ATF6: variants seen among roughly 807,000 people sequenced by gnomAD.
ATF6 encodes the protein cyclic AMP-dependent transcription factor ATF-6 alpha.
Under a neutral mutation model 83.6 loss-of-function variants are expected in ATF6, and 53 were observed. The ratio of observed to expected loss-of-function variants is 0.63; its 90% CI spans 0.51 to 0.80. The LOEUF (loss-of-function observed/expected upper bound fraction) is 0.80. ATF6 is among the 30% of genes least tolerant of loss of function. The pLI, the probability that ATF6 is intolerant of heterozygous loss-of-function variation, is 0.00. For synonymous variants in ATF6, 288 were observed against 285.8 expected (o/e 1.01, Z -0.08); for missense variants, 744 against 797.9 (o/e 0.93, Z 0.81).
chr1:161,951,420 A>G (rs1229967598), intron 15 of ATF6, among the ~76,000 whole-genome samples: 2 of 152,236 alleles, frequency 1.3e-5, no homozygotes, highest in African/African-American at 4.8e-5. Flanking sequence ...GGATTTCTTG[A>G]TGACTTGACC....
intron 6 of ATF6, among the ~76,000 whole-genome samples, chr1:161,796,749 C>T (rs1685030415): frequency 6.6e-6 from 1 of 152,018 alleles, no homozygotes; most frequent in Admixed American, 6.6e-5. Context: ...TAAAAGAGAG[C>T]CCTTATATTC....
intron 15 of ATF6, among the ~76,000 whole-genome samples, chr1:161,920,016 T>C (rs1688172665): frequency 6.6e-6 from 1 of 152,180 alleles, no homozygotes; most frequent in East Asian, 1.9e-4. Flanking sequence ...AAGGCAAATA[T>C]ATTTGGAAAC....
At chr1:161,927,240 C>G (rs1688334841) in intron 15 of ATF6, among the ~76,000 whole-genome samples, 1 of 152,064 alleles carries the variant, frequency 6.6e-6, no homozygotes, top group African/African-American at 2.4e-5. Flanking sequence ...AGAGCTGAGA[C>G]CAGATCTCAG....
At chr1:161,958,358 CA>C (rs1432773608) in intron 15 of ATF6, 87 bp from the exon 16 acceptor site, 1 of 1,341,314 alleles carries the variant, frequency 7.5e-7, no homozygotes, top group African/African-American at 1.5e-5. Context: ...ACCCTTAAAG[CA>C]CATTTCTGTA....
intron 15 of ATF6, among the ~76,000 whole-genome samples, chr1:161,947,660 A>G (rs974293640): frequency 3.9e-5 from 6 of 152,190 alleles, no homozygotes; most frequent in South Asian, 2.1e-4. Context: ...AGCATTTGTT[A>G]TCAGAGTCAT....
At chr1:161,871,485 TTAAAA>T (rs1687122899) in intron 14 of ATF6, among the ~76,000 whole-genome samples, 2 of 151,600 alleles carry the variant, frequency 1.3e-5, no homozygotes, top group East Asian at 1.9e-4. Flanking sequence ...ACCCCTGAAC[TTAAAA>T]TAAAAGTTAA....
Position 161,884,516 on chromosome 1 carries a change from A to G in ATF6, c.1719+21204A>G, listed in dbSNP as rs528191938. 1.9e-3 allele frequency among the ~76,000 whole-genome samples: 282 copies of G among 152,134 alleles called. 2 individuals carry two copies. In the Middle Eastern group the frequency reaches 0.02, roughly 11 times the overall value. The stretch of plus-strand genomic sequence containing the variant: ...ATCTGAATAATTACCTTACTTTTAT[A>G]GTTTTTTTTTTAAAAAAGCTCTTCT... On this transcript the variant is annotated intron_variant, in intron 14 of 15. Coordinates refer to ENST00000367942, the MANE Select transcript of ATF6 (RefSeq NM_007348.4).
chr1:161,880,513 T>C (rs1408117794), intron 14 of ATF6, among the ~76,000 whole-genome samples: 2 of 152,164 alleles, frequency 1.3e-5, no homozygotes, highest in Non-Finnish European at 2.9e-5. Flanking sequence ...TTTATAGTTT[T>C]AAAAATTGTA....
chr1:161,810,447 C>T (rs975967064), intron 7 of ATF6, among the ~76,000 whole-genome samples: 1 of 152,134 alleles, frequency 6.6e-6, no homozygotes, highest in South Asian at 2.1e-4. Context: ...TCACCAGGCT[C>T]CTCCCCCAAC....
At position 161,851,711 on chromosome 1, in the gene ATF6, C is replaced by A; in HGVS notation, c.1320-11C>A. The A allele has an allele frequency of 6.3e-7, 1 of 1,591,602 alleles. No homozygotes were observed. On this transcript the variant is annotated splice_polypyrimidine_tract_variant and intron_variant, in intron 10 of 15. Transcript: ENST00000367942. ...ATACAAGGAAACAAATTTTGTGCAT[C>A]CATGTTTCAGATATGATCATTCTGT...
intron 14 of ATF6, among the ~76,000 whole-genome samples, chr1:161,909,721 C>A (rs1334168388): frequency 3.3e-5 from 5 of 152,106 alleles, no homozygotes; most frequent in Non-Finnish European, 7.4e-5. Context: ...CTTTGGGAGG[C>A]CGAGGCGGGC....
rs1689136465 is a variant in ATF6, at chr1:161,963,192, G to A, written c.*4538G>A. On this transcript the variant is annotated 3_prime_UTR_variant, in exon 16 of 16. Transcript: ENST00000367942. Reference sequence around the variant, plus strand: ...ACCTAAAAAAAAGAAAGTAAAGTGTGTTCTGTTCTTATCTTTTTAATGACT... The same window carrying A: ...ACCTAAAAAAAAGAAAGTAAAGTGTATTCTGTTCTTATCTTTTTAATGACT... The A allele has an allele frequency of 1.3e-5, 2 of 152,144 alleles. No homozygotes were observed. Among genetic ancestry groups the A allele is most frequent in the Admixed American group, 1.3e-4 (2 of 15,272 alleles). The allele number at this position is 152,144 out of a possible 1,614,324, so 9.4% of individuals were successfully genotyped here. A position where few individuals can be genotyped will look rare whatever the true frequency, so the allele number is the denominator to read the frequency against.
In ATF6 at chr1:161,947,810, C is replaced by CTTTTTTTT. The variant is rs10524670; in HGVS notation, c.1805-10612_1805-10605dup. The stretch of plus-strand genomic sequence containing the variant: ...ATATTCCATAGTCCTTAAGCCACGC[C>CTTTTTTTT]TTTTTTTTTTTTTTTTTTTTTTTTT... On this transcript the variant is annotated intron_variant, in intron 15 of 15. Coordinates refer to ENST00000367942, the MANE Select transcript of ATF6 (RefSeq NM_007348.4). Among the ~76,000 whole-genome samples the CTTTTTTTT allele has an allele frequency of 2.5e-3, 144 of 57,578 alleles. 20 individuals carry two copies. Among genetic ancestry groups the CTTTTTTTT allele is most frequent in the African/African-American group, 8.4e-3 (98 of 11,718 alleles). 37.8% of individuals were successfully genotyped at this position (57,578 alleles called of 152,430 possible).
At chr1:161,930,669 T>G (rs1425454185) in intron 15 of ATF6, among the ~76,000 whole-genome samples, 2 of 152,202 alleles carry the variant, frequency 1.3e-5, no homozygotes, top group Non-Finnish European at 2.9e-5. Flanking sequence ...AGATAGAGAT[T>G]GAAGTAGCCA....
chr1:161,921,599 A>G (rs1346470793), intron 15 of ATF6, among the ~76,000 whole-genome samples: 2 of 152,234 alleles, frequency 1.3e-5, no homozygotes, highest in Non-Finnish European at 2.9e-5. Context: ...AGACCAGACC[A>G]CTGAGAGACT....
At chr1:161,766,887 G>T (rs1684278507) in intron 1 of ATF6, among the ~76,000 whole-genome samples, 2 of 152,178 alleles carry the variant, frequency 1.3e-5, no homozygotes, top group African/African-American at 4.8e-5. Flanking sequence ...TAATCTTACA[G>T]CTTTTACTAT....
chr1:161,778,187 T>G, intron 1 of ATF6, 57 bp from the exon 2 acceptor site: 1 of 1,453,508 alleles, frequency 6.9e-7, no homozygotes, highest in South Asian at 1.2e-5. Flanking sequence ...CAGTGCTTGT[T>G]TCTTTGTCAA....
chr1:161,892,183 A>G (rs1687570841), intron 14 of ATF6: 1 of 152,160 alleles, frequency 6.6e-6, no homozygotes, highest in Non-Finnish European at 1.5e-5. Flanking sequence ...AAACTTGGTT[A>G]TAAAATTTTG....
At chr1:161,899,993 T>A (rs1687749849) in intron 14 of ATF6, among the ~76,000 whole-genome samples, 2 of 152,222 alleles carry the variant, frequency 1.3e-5, no homozygotes. Context: ...GTTTTCTCCA[T>A]GTGTCTGCAC....
Sources: allele counts gnomAD v4.1 joint callset (sites outside exome capture counted in the v4.1 genomes callset), GRCh38; gene constraint gnomAD v4.1.1; transcripts MANE v1.5; gene names NCBI Gene and HGNC (gene_info 2026-07-23, HGNC 2026-07-21).